TMEM132B: variants seen among roughly 807,000 people sequenced by gnomAD.
The protein encoded by TMEM132B is transmembrane protein 132B.
Under a neutral mutation model 90.8 loss-of-function variants are expected in TMEM132B, and 18 were observed. The ratio of observed to expected loss-of-function variants is 0.20; its 90% CI spans 0.14 to 0.29. The LOEUF is 0.29. TMEM132B is among the 10% of genes least tolerant of loss of function. TMEM132B has a pLI of 1.00. For synonymous variants in TMEM132B, 504 were observed against 523.3 expected, an observed-to-expected ratio of 0.96 and a Z score of 0.50; for missense variants, 1,096 against 1,326.8, an observed-to-expected ratio of 0.83 and a Z score of 2.70.
chr12:125,489,516 T>G (rs2136552728), intron 3 of TMEM132B, among the ~76,000 whole-genome samples: 1 of 152,260 alleles, frequency 6.6e-6, no homozygotes, highest in Admixed American at 6.5e-5. Flanking sequence ...GTGATCCTCC[T>G]GCCTTAGCCT....
intron 3 of TMEM132B, among the ~76,000 whole-genome samples, chr12:125,489,456 T>G (rs999278875): frequency 6.6e-6 from 1 of 152,304 alleles, no homozygotes; most frequent in East Asian, 1.9e-4. Flanking sequence ...TTGCCCAGGT[T>G]GGAATGCAGT....
intron 5 of TMEM132B, among the ~76,000 whole-genome samples, chr12:125,643,488 T>G (rs1391566414): frequency 1.3e-5 from 2 of 152,294 alleles, no homozygotes; most frequent in East Asian, 3.9e-4. Flanking sequence ...CCCCAAGTGC[T>G]GAGTCAAAAG....
At chr12:125,299,570 C>G (rs758030810) in intron 1 of TMEM132B, among the ~76,000 whole-genome samples, 1 of 152,240 alleles carries the variant, frequency 6.6e-6, no homozygotes, top group Non-Finnish European at 1.5e-5. Flanking sequence ...GGAGCCACCT[C>G]TAGCCCCATG....
Position 125,402,573 on chromosome 12 carries a change from T to C in TMEM132B, c.960-12958T>C, listed in dbSNP as rs186226863. Among the ~76,000 whole-genome samples, 63 of 152,376 alleles carry C rather than the reference T, an allele frequency of 4.1e-4. No individual in the cohort carries two copies. The East Asian group carries it at 8.9e-3, about 21-fold the overall frequency. ...GTCCATCCTCTACTATTACAAGATATGCAATTTCACTTTGCAATGGATTTG... is the reference window on the plus strand; with the variant it reads ...GTCCATCCTCTACTATTACAAGATACGCAATTTCACTTTGCAATGGATTTG... On this transcript the variant is annotated intron_variant, in intron 2 of 8. Transcript: ENST00000682704.
chr12:125,641,581 T>C (rs1285464062), intron 5 of TMEM132B, among the ~76,000 whole-genome samples: 1 of 152,252 alleles, frequency 6.6e-6, no homozygotes, highest in African/African-American at 2.4e-5. Context: ...AAAGAATTGC[T>C]AAGCCCTCTT....
At chr12:125,289,662 C>T (rs1875477720) in intron 1 of TMEM132B, among the ~76,000 whole-genome samples, 2 of 152,248 alleles carry the variant, frequency 1.3e-5, no homozygotes, top group African/African-American at 4.8e-5. Flanking sequence ...ACATTTACTT[C>T]TCAGAGCAGA....
chr12:125,449,746 T>A (rs746005474), intron 3 of TMEM132B, among the ~76,000 whole-genome samples: 1 of 152,114 alleles, frequency 6.6e-6, no homozygotes, highest in Non-Finnish European at 1.5e-5. Flanking sequence ...AGTCAAAGAT[T>A]AAAGTATCAG....
intron 6 of TMEM132B, 83 bp downstream of exon 6, chr12:125,644,364 C>G: frequency 1.4e-6 from 2 of 1,476,800 alleles, no homozygotes; most frequent in Non-Finnish European, 1.8e-6. Flanking sequence ...CTCAGGGACT[C>G]AAGCCATTGG....
In TMEM132B at chr12:125,650,947, G is replaced by C. The variant is rs774888715; in HGVS notation, c.1908G>C (p.Thr636=). The part of the protein sequence containing the change: ...TLAGREPGIT[T]VQVLSPLSDS... ...CTGGTCGGGAGCCGGGAATAACCACGGTGCAGGTACACGCCGCCATGCCTT... is the reference window on the plus strand; with the variant it reads ...CTGGTCGGGAGCCGGGAATAACCACCGTGCAGGTACACGCCGCCATGCCTT... The change falls in exon 7 of 9, where the codon ACG becomes ACC. Residue 636 remains threonine, a synonymous_variant. Transcript: ENST00000682704. 4.3e-6 allele frequency: 7 copies of C among 1,612,246 alleles called. No homozygotes were observed. The highest frequency in any genetic ancestry group is 5.9e-6 in the Non-Finnish European group (7 of 1,179,894).
chr12:125,316,808 G>A lies in TMEM132B; in HGVS notation c.68-32644G>A, dbSNP rs374026182. ...AGTGAGAAGGACCATCCCACAAACT[G>A]TACTACAGGCCACCATGAGAACTTG... On this transcript the variant is annotated intron_variant, in intron 1 of 8. Transcript: ENST00000682704. Among the ~76,000 whole-genome samples, 73 of 152,336 alleles carry A rather than the reference G, an allele frequency of 4.8e-4. 1 individual carries two copies. Among genetic ancestry groups the A allele is most frequent in the African/African-American group, 1.7e-3 (69 of 41,574 alleles).
chr12:125,253,843 G>C (rs770066709), intron 1 of TMEM132B, among the ~76,000 whole-genome samples: 5 of 152,208 alleles, frequency 3.3e-5, no homozygotes, highest in Non-Finnish European at 7.3e-5. Flanking sequence ...ACCCGGCTAA[G>C]AAGCAGAGGG....
chr12:125,329,594 G>C (rs943295566), intron 1 of TMEM132B, among the ~76,000 whole-genome samples: 4 of 152,320 alleles, frequency 2.6e-5, no homozygotes, highest in Admixed American at 2.6e-4. Flanking sequence ...TGGCTGGAAC[G>C]AGATGGGACA....
At position 125,654,496 on chromosome 12, in the gene TMEM132B, A is replaced by T. The variant is rs763714150; in HGVS notation, c.3038A>T (p.Glu1013Val). 1.9e-6 allele frequency: 3 copies of T among 1,614,034 alleles called. No homozygotes were observed. The South Asian group carries it at 3.3e-5, about 18-fold the overall frequency. ...LRPSDYVYEK[E>V]IKNEPMNSSG... is the part of the protein sequence containing the mutation. Reference sequence around the variant, plus strand: ...CCCTCTGACTATGTCTATGAGAAAGAAATTAAAAATGAACCTATGAATTCT... The same window carrying T: ...CCCTCTGACTATGTCTATGAGAAAGTAATTAAAAATGAACCTATGAATTCT... Residue 1013 changes from glutamate to valine, a missense_variant, in exon 9 of 9, where the codon GAA (glutamate) becomes GTA (valine). Coordinates refer to ENST00000682704, the MANE Select transcript of TMEM132B (RefSeq NM_001366854.1). The surrounding 1 kb of genome is among the most constrained non-coding windows in gnomAD (Gnocchi z 5.8).
At chr12:125,537,239 C>G (rs1447766830) in intron 4 of TMEM132B, among the ~76,000 whole-genome samples, 3 of 152,196 alleles carry the variant, frequency 2.0e-5, no homozygotes, top group Non-Finnish European at 4.4e-5. Context: ...ACTGCACAGT[C>G]CAAACCCATG....
intron 3 of TMEM132B, among the ~76,000 whole-genome samples, chr12:125,454,184 C>A (rs1034161878): frequency 3.3e-5 from 5 of 152,100 alleles, no homozygotes; most frequent in African/African-American, 1.2e-4. Flanking sequence ...ATCATTATGA[C>A]AACTTTACAG....
chr12:125,265,714 G>A (rs1874677169), intron 1 of TMEM132B, among the ~76,000 whole-genome samples: 3 of 152,126 alleles, frequency 2.0e-5, no homozygotes, highest in Admixed American at 6.5e-5. Context: ...CAGCATAGAT[G>A]ACCTTTACCC....
chr12:125,583,011 T>C lies in TMEM132B; in HGVS notation c.1294-840T>C, dbSNP rs150001289. Among the ~76,000 whole-genome samples the C allele has an allele frequency of 5.1e-3, 783 of 152,304 alleles. 19 individuals are homozygous for C. The highest frequency in any genetic ancestry group is 0.049 in the Admixed American group (752 of 15,296). On this transcript the variant is annotated intron_variant, in intron 4 of 8. Coordinates refer to ENST00000682704, the MANE Select transcript of TMEM132B (RefSeq NM_001366854.1). ...TTATCTTAAGAATAGCAGGACACTT[T>C]CAAAGAGTTATAATCTAGGAAAGAA... is the stretch of plus-strand genomic sequence containing the variant.
At chr12:125,187,511 G>A (rs983086526) in intron 1 of TMEM132B, among the ~76,000 whole-genome samples, 5 of 152,246 alleles carry the variant, frequency 3.3e-5, no homozygotes, top group East Asian at 1.9e-4. Flanking sequence ...CAAGGCGGGC[G>A]GGAGAGGGTA....
chr12:125,336,233 C>T (rs1376450011), intron 1 of TMEM132B, among the ~76,000 whole-genome samples: 1 of 152,150 alleles, frequency 6.6e-6, no homozygotes, highest in Non-Finnish European at 1.5e-5. Context: ...TATGTAAGTG[C>T]ACTTGGACAG....
Sources: gnomAD v4.1 joint callset for allele counts (sites outside exome capture counted in the v4.1 genomes callset) on GRCh38, gnomAD v4.1.1 for gene constraint, Gnocchi (gnomAD v3.1) non-coding constraint, MANE v1.5 for transcripts, NCBI Gene and HGNC (gene_info 2026-07-23, HGNC 2026-07-21) for gene names.